Variants in REL observed in about 807,000 individuals in gnomAD.
REL encodes REL proto-oncogene, NF-kB subunit.
A neutral mutation model predicts 45.9 loss-of-function variants in REL; 15 were observed. That is an observed-to-expected ratio of 0.33 (90% CI 0.22 to 0.50). The LOEUF (loss-of-function observed/expected upper bound fraction) is 0.50, where lower values mean the gene tolerates loss of function less well. Ranked by LOEUF, REL falls within the 20% of genes least tolerant of loss-of-function variation. The pLI, the probability that REL is intolerant of heterozygous loss-of-function variation, is 0.98. For synonymous variants in REL, 239 were observed against 242.1 expected, an observed-to-expected ratio of 0.99 and a Z score of 0.12; for missense variants, 601 against 715.2, an observed-to-expected ratio of 0.84 and a Z score of 1.82.
chr2:60,919,279 A>G (rs1674065849), intron 7 of REL, among the ~76,000 whole-genome samples: 1 of 151,952 alleles, frequency 6.6e-6, no homozygotes, highest in African/African-American at 2.4e-5. Context: ...CTGTCACTCA[A>G]GCTGGAGTAC....
chr2:60,911,858 C>T (rs1015055052), intron 4 of REL, among the ~76,000 whole-genome samples: 1 of 151,480 alleles, frequency 6.6e-6, no homozygotes. Flanking sequence ...ATTAGCTGGG[C>T]GTGGTGGCAC....
Position 60,918,606 on chromosome 2 carries a change from G to T in REL, c.853G>T (p.Asp285Tyr). 2 of 1,601,200 alleles carry T rather than the reference G, an allele frequency of 1.2e-6. No homozygotes were observed. The highest frequency in any genetic ancestry group is 1.7e-6 in the Non-Finnish European group (2 of 1,168,292). The change falls in exon 7 of 10, where the codon GAT becomes TAT. Residue 285 changes from aspartate (D) to tyrosine (Y), a missense_variant and splice_region_variant. Transcript: ENST00000394479. ...TTTTAGATATCTGCCAGATGAAAAA[G>T]GTATGACATTTTGCTGGTAATAATT... ...MDFRYLPDEK[D>Y]TYGNKAKKQK...
At chr2:60,896,467 T>C (rs1428664437) in intron 3 of REL, among the ~76,000 whole-genome samples, 2 of 152,236 alleles carry the variant, frequency 1.3e-5, no homozygotes, top group African/African-American at 2.4e-5. Context: ...TTTTAACTTA[T>C]ATTTTATAAT....
At chr2:60,898,406 C>G (rs1673410539) in intron 3 of REL, among the ~76,000 whole-genome samples, 1 of 152,170 alleles carries the variant, frequency 6.6e-6, no homozygotes, top group Non-Finnish European at 1.5e-5. Context: ...CTCACAATGC[C>G]TTCCTTTAGT....
In REL at chr2:60,922,210, C is replaced by T; in HGVS notation, c.1439C>T (p.Pro480Leu). The part of the protein sequence containing the change: ...SSDSMGETDN[P>L]RLLSMNLENP... ...GACAGCATGGGAGAGACTGATAATC[C>T]AAGACTTCTGAGCATGAATCTTGAA... The change falls in exon 10 of 10, where the codon CCA becomes CTA. Residue 480 changes from proline to leucine, a missense_variant. Pro to Leu is a moderately conservative substitution (Grantham distance 98, BLOSUM62 -3). This residue lies in a region of REL where 334 missense variants were observed against 333.1 expected (regional missense o/e 1.00). Transcript: ENST00000394479. 1.9e-6 allele frequency: 3 copies of T among 1,614,106 alleles called. No individual in the cohort carries two copies. Among genetic ancestry groups the T allele is most frequent in the Non-Finnish European group, 2.5e-6 (3 of 1,180,020 alleles).
Position 60,918,039 on chromosome 2 carries a change from CAGAT to C in REL, c.536-150_536-147del, listed in dbSNP as rs985062899. 1.1e-5 allele frequency: 6 copies of C among 568,496 alleles called. No individual in the cohort carries two copies. In the Admixed American group the frequency reaches 1.7e-4, roughly 16 times the overall value. The allele number at this position is 568,496 out of a possible 1,614,324, so 35.2% of individuals were successfully genotyped here. A position where few individuals can be genotyped will look rare whatever the true frequency, so the allele number is the denominator to read the frequency against. ...GTAAAGCAGTTAGAAAGGAAGTGGACAGATAAATAGATGATTAATGTATTTAGTG... is the reference window on the plus strand; with the variant it reads ...GTAAAGCAGTTAGAAAGGAAGTGGACAAATAGATGATTAATGTATTTAGTG... On this transcript the variant is annotated intron_variant, in intron 5 of 9. Coordinates refer to ENST00000394479, the MANE Select transcript of REL (RefSeq NM_001291746.2).
chr2:60,912,289 T>G (rs1043598020), intron 4 of REL, among the ~76,000 whole-genome samples: 1 of 152,178 alleles, frequency 6.6e-6, no homozygotes, highest in Non-Finnish European at 1.5e-5. Context: ...CTTGTTTTTA[T>G]TAATCTTTCT....
intron 3 of REL, among the ~76,000 whole-genome samples, chr2:60,896,043 C>T (rs1354135628): frequency 2.0e-5 from 3 of 151,148 alleles, no homozygotes; most frequent in African/African-American, 7.3e-5. Flanking sequence ...TGCTTTGTTG[C>T]CCAGGCTGCA....
At chr2:60,911,356 T>C (rs1673807154) in intron 4 of REL, 1 of 152,244 alleles carries the variant, frequency 6.6e-6, no homozygotes, top group African/African-American at 2.4e-5. Flanking sequence ...GAGTGGTTAT[T>C]GTTAATTGAA....
intron 1 of REL, among the ~76,000 whole-genome samples, chr2:60,883,032 G>A (rs1672984735): frequency 6.6e-6 from 1 of 152,122 alleles, no homozygotes; most frequent in Non-Finnish European, 1.5e-5. Context: ...AGTAGCCTGG[G>A]GTCGAGTTGG....
chr2:60,914,648 C>T lies in REL; in HGVS notation c.395-2229C>T, dbSNP rs564545858. ...CCTAAAATTTCCCTGGTCCCCTTCT[C>T]GCTCAGTTCCCTACCCTGCCTCTGC... On this transcript the variant is annotated intron_variant, in intron 4 of 9. Coordinates refer to ENST00000394479, the MANE Select transcript of REL (RefSeq NM_001291746.2). 7.2e-5 allele frequency among the ~76,000 whole-genome samples: 11 copies of T among 152,234 alleles called. No individual in the cohort carries two copies. The South Asian group carries it at 1.5e-3, about 20-fold the overall frequency.
At chr2:60,903,733 G>A (rs952208646) in intron 4 of REL, among the ~76,000 whole-genome samples, 2 of 152,090 alleles carry the variant, frequency 1.3e-5, no homozygotes, top group African/African-American at 4.8e-5. Flanking sequence ...GTTTCACCAT[G>A]TCAGCCAGCC....
Position 60,921,798 on chromosome 2 carries a change from G to A in REL, c.1027G>A (p.Glu343Lys), listed in dbSNP as rs1359868369. 7 of 1,613,460 alleles carry A rather than the reference G, an allele frequency of 4.3e-6. No homozygotes were observed. The highest frequency in any genetic ancestry group is 5.9e-6 in the Non-Finnish European group (7 of 1,179,604). The change falls in exon 10 of 10, where the codon GAA becomes AAA. Residue 343 changes from glutamate (E) to lysine (K), a missense_variant. Glu to Lys is a moderately conservative substitution (Grantham distance 56). Transcript: ENST00000394479. ...GTTTTCTCATGATGCAGTTGTGAGA[G>A]AAATGCCTACAGGGGTTTCAAGTCA... is the stretch of plus-strand genomic sequence containing the variant. ...NLFSHDAVVR[E>K]MPTGVSSQAE...
At chr2:60,909,249 A>C (rs1310640221) in intron 4 of REL, among the ~76,000 whole-genome samples, 1 of 152,212 alleles carries the variant, frequency 6.6e-6, no homozygotes, top group African/African-American at 2.4e-5. Context: ...TAGATACTCA[A>C]TAAGTATGTT....
intron 4 of REL, among the ~76,000 whole-genome samples, chr2:60,907,323 T>C (rs1673688720): frequency 6.6e-6 from 1 of 152,132 alleles, no homozygotes; most frequent in Non-Finnish European, 1.5e-5. Context: ...CTTCCTTGTA[T>C]CTCTGGCACA....
At chr2:60,887,122 C>T (rs1347240344) in intron 1 of REL, among the ~76,000 whole-genome samples, 1 of 152,174 alleles carries the variant, frequency 6.6e-6, no homozygotes, top group Admixed American at 6.5e-5. Context: ...CATTTCAACA[C>T]ATTTTATATT....
chr2:60,899,020 A>G (rs1016463894), intron 3 of REL: 1 of 152,234 alleles, frequency 6.6e-6, no homozygotes, highest in Admixed American at 6.5e-5. Context: ...GCAGTCAAAT[A>G]TGAGATTATT....
chr2:60,902,046 T>G (rs1673512197), intron 4 of REL, among the ~76,000 whole-genome samples: 1 of 152,170 alleles, frequency 6.6e-6, no homozygotes, highest in Non-Finnish European at 1.5e-5. Context: ...ATCCTATACT[T>G]AGAGTAGCCT....
rs1674290464 is a variant in REL, at chr2:60,927,355, G to C, written c.*4820G>C. On this transcript the variant is annotated 3_prime_UTR_variant, in exon 10 of 10. Coordinates refer to ENST00000394479, the MANE Select transcript of REL (RefSeq NM_001291746.2). ...TTGTGAAATAACACTTCTCTTCCTT[G>C]ACCTGCTGCTTCCCTTTTTTACCAC... is the stretch of plus-strand genomic sequence containing the variant. 1 of 231,928 alleles carries C rather than the reference G, an allele frequency of 4.3e-6. No individual in the cohort carries two copies. Among genetic ancestry groups the C allele is most frequent in the African/African-American group, 2.2e-5 (1 of 45,248 alleles). 14.4% of individuals were successfully genotyped at this position (231,928 alleles called of 1,614,324 possible). A position where few individuals can be genotyped will look rare whatever the true frequency, so the allele number is the denominator to read the frequency against.
Sources: allele counts gnomAD v4.1 joint callset (sites outside exome capture counted in the v4.1 genomes callset), GRCh38; gene constraint gnomAD v4.1.1; regional missense constraint gnomAD v4.1.1; transcripts MANE v1.5; gene names NCBI Gene and HGNC (gene_info 2026-07-23, HGNC 2026-07-21).